Variants in ABCB9 observed in about 807,000 individuals in gnomAD.
ABCB9 encodes the protein ABC-type oligopeptide transporter ABCB9.
ABCB9 carries 36 observed loss-of-function variants against 62.0 expected under a neutral mutation model. That is an observed-to-expected ratio of 0.58 (90% CI 0.45 to 0.77). ABCB9 has a LOEUF of 0.77. Among genes scored for constraint, ABCB9 ranks in the 30% least tolerant of loss-of-function variants. The probability of loss-of-function intolerance (pLI) is 0.00; values close to 1 mark genes in which losing one functional copy is unlikely to be tolerated. For missense variants in ABCB9, 943 were observed against 1,054.7 expected, an observed-to-expected ratio of 0.89 and a Z score of 1.47; for synonymous variants, 435 against 461.4, an observed-to-expected ratio of 0.94 and a Z score of 0.73.
chr12:122,919,426 C>T (rs1445597133), downstream of ABCB9, among the ~76,000 whole-genome samples: 1 of 152,160 alleles, frequency 6.6e-6, no homozygotes, highest in African/African-American at 2.4e-5. Flanking sequence ...CCCGCCTCAG[C>T]CTCCCAAAGT....
chr12:122,969,483 C>T (rs1427431231), upstream of ABCB9, among the ~76,000 whole-genome samples: 1 of 152,174 alleles, frequency 6.6e-6, no homozygotes, highest in African/African-American at 2.4e-5. Flanking sequence ...GGCAATGTGG[C>T]TTATGCCTGT....
At chr12:122,939,954 G>T in intron 9 of ABCB9, 157 bp downstream of exon 9, 1 of 1,068,100 alleles carries the variant, frequency 9.4e-7, no homozygotes, top group Non-Finnish European at 1.3e-6. Context: ...GTCTGGACAA[G>T]AATGTTCTGT....
rs771431075 is a variant in ABCB9, at chr12:122,940,867, C to A, written c.1509G>T (p.Arg503=). Residue 503 remains arginine (R), a synonymous_variant, in exon 8 of 12, where the codon CGG becomes CGT. Coordinates refer to ENST00000280560, the MANE Select transcript of ABCB9 (RefSeq NM_019625.4). This position sits in a 1 kb window ranked among gnomAD's most constrained non-coding sequence, Gnocchi z 4.8. ...TGAAGGTCACATTCTCAAAGTCCAC[C>A]CGGCCCTCCAGGTGGTCGGGGGCCA... ...GSLAPDHLEG[R]VDFENVTFTY... The A allele has an allele frequency of 6.2e-7, 1 of 1,611,910 alleles. No individual in the cohort carries two copies. The highest frequency in any genetic ancestry group is 2.2e-5 in the East Asian group (1 of 44,830).
In ABCB9 at chr12:122,960,143, G is replaced by C. The variant is rs1194924333; in HGVS notation, c.93C>G (p.Asp31Glu). Residue 31 changes from aspartate to glutamate, a missense_variant, in exon 2 of 12, where the codon GAC becomes GAG. Transcript: ENST00000280560. ...TTAIYVFSHL[D>E]RSLLEDIRHF... The stretch of plus-strand genomic sequence containing the variant: ...GGCGGATGTCCTCCAGGAGGCTGCG[G>C]TCCAGGTGGCTGAAGACATAGATGG... 1.2e-6 allele frequency: 2 copies of C among 1,613,724 alleles called. No homozygotes were observed. Among genetic ancestry groups the C allele is most frequent in the South Asian group, 2.2e-5 (2 of 91,084 alleles).
Position 122,973,578 on chromosome 12 carries a change from G to GAAAAAAAA in ABCB9, c.-88+1129_-88+1136dup, listed in dbSNP as rs57853191. ...AGAGCGAGACTCCGTCTCAAAAAAA[G>GAAAAAAAA]AAAAAAAAAAAAAAAAAAAAAAAAA... On this transcript the variant is annotated intron_variant, in intron 1 of 11. Transcript: ENST00000392439. 3.0e-3 allele frequency among the ~76,000 whole-genome samples: 151 copies of GAAAAAAAA among 50,344 alleles called. 6 individuals carry two copies. Among genetic ancestry groups the GAAAAAAAA allele is most frequent in the Non-Finnish European group, 3.6e-3 (102 of 27,964 alleles). The allele number at this position is 50,344 out of a possible 152,430, so 33.0% of individuals were successfully genotyped here.
upstream of ABCB9, among the ~76,000 whole-genome samples, chr12:122,968,280 G>A (rs1268548532): frequency 1.3e-5 from 2 of 152,218 alleles, no homozygotes; most frequent in Non-Finnish European, 2.9e-5. Flanking sequence ...TGTCATTTAT[G>A]CTGTGTGACC....
At chr12:122,968,740 G>A (rs1485054020), upstream of ABCB9, among the ~76,000 whole-genome samples, 5 of 143,804 alleles carry the variant, frequency 3.5e-5, no homozygotes, top group Middle Eastern at 3.7e-3. Context: ...ACAGCCTCCC[G>A]AGTAGTTGGG....
downstream of ABCB9, among the ~76,000 whole-genome samples, chr12:122,924,083 C>T (rs2135734169): frequency 6.6e-6 from 1 of 152,310 alleles, no homozygotes; most frequent in African/African-American, 2.4e-5. Flanking sequence ...TCAGCAGCTG[C>T]CTCAGGCATT....
intron 5 of ABCB9, 132 bp downstream of exon 5, chr12:122,948,488 AAATG>A (rs552011349): frequency 1.4e-5 from 11 of 786,562 alleles, no homozygotes; most frequent in Non-Finnish European, 1.3e-5. Flanking sequence ...ATGAGCGAAG[AAATG>A]AATGAATGAA....
At chr12:122,928,834 T>C (rs544657008), downstream of ABCB9, among the ~76,000 whole-genome samples, 13 of 152,132 alleles carry the variant, frequency 8.5e-5, no homozygotes, top group Admixed American at 6.6e-4. Context: ...GACCCTGGGA[T>C]GGGAGGAGTG....
Position 122,932,395 on chromosome 12 carries a change from G to A in ABCB9, c.1904-67C>T, listed in dbSNP as rs1291095834. 5 of 1,501,792 alleles carry A rather than the reference G, an allele frequency of 3.3e-6. No homozygotes were observed. The East Asian group carries it at 7.4e-5, about 22-fold the overall frequency. The allele number at this position is 1,501,792 out of a possible 1,614,324, so 93.0% of individuals were successfully genotyped here. On this transcript the variant is annotated intron_variant, in intron 10 of 11. Coordinates refer to ENST00000280560, the MANE Select transcript of ABCB9 (RefSeq NM_019625.4). This position sits in a 1 kb window ranked among gnomAD's most constrained non-coding sequence, Gnocchi z 4.7. Reference sequence around the variant, plus strand: ...GCCGGGCAGCACCGGGGAAGAGTGAGAGGCCCTGCCCTGCAGCTGTGGAAA... The same window carrying A: ...GCCGGGCAGCACCGGGGAAGAGTGAAAGGCCCTGCCCTGCAGCTGTGGAAA...
downstream of ABCB9, among the ~76,000 whole-genome samples, chr12:122,919,296 A>G (rs528788745): frequency 1.4e-4 from 22 of 152,056 alleles, no homozygotes; most frequent in East Asian, 4.1e-3. Context: ...CCTCAGCCAC[A>G]CAAGTAGCTG....
At position 122,947,716 on chromosome 12, in the gene ABCB9, G is replaced by A. The variant is rs139807206; in HGVS notation, c.1053+908C>T. On this transcript the variant is annotated intron_variant, in intron 5 of 11. Coordinates refer to ENST00000280560, the MANE Select transcript of ABCB9 (RefSeq NM_019625.4). This position sits in a 1 kb window ranked among gnomAD's most constrained non-coding sequence, Gnocchi z 6.0. ...GGAAGCAGAAGCAGTGCCGTGGGGT[G>A]GCCAGAGGGGACAGCAGCCTGCCCA... 21 of 259,538 alleles carry A rather than the reference G, an allele frequency of 8.1e-5. No individual in the cohort carries two copies. The East Asian group carries it at 2.2e-3, about 27-fold the overall frequency. 16.1% of individuals were successfully genotyped at this position (259,538 alleles called of 1,614,324 possible).
Position 122,930,875 on chromosome 12 carries a change from A to C in ABCB9, c.2041-704T>G, listed in dbSNP as rs950541528. Among the ~76,000 whole-genome samples the C allele has an allele frequency of 6.6e-6, 1 of 152,132 alleles. No homozygotes were observed. Among genetic ancestry groups the C allele is most frequent in the East Asian group, 1.9e-4 (1 of 5,194 alleles). ...AATGAATCAATCCGCGCATAGACTG[A>C]GGTTGCTAGCCATCTGCAAATACAT... is the stretch of plus-strand genomic sequence containing the variant. On this transcript the variant is annotated intron_variant, in intron 11 of 11. Coordinates refer to ENST00000280560, the MANE Select transcript of ABCB9 (RefSeq NM_019625.4). The surrounding 1 kb of genome is among the most constrained non-coding windows in gnomAD (Gnocchi z 4.9).
intron 4 of ABCB9, 130 bp from the exon 5 acceptor site, chr12:122,948,959 GT>G: frequency 1.5e-6 from 1 of 674,948 alleles, no homozygotes; most frequent in Non-Finnish European, 2.3e-6. Context: ...GGGTTGGGGG[GT>G]GGGGGAGAAG....
rs900321436 is a variant in ABCB9, at chr12:122,932,023, G to A, written c.2040+169C>T. 26 of 1,219,020 alleles carry A rather than the reference G, an allele frequency of 2.1e-5. No individual in the cohort carries two copies. Among genetic ancestry groups the A allele is most frequent in the Admixed American group, 6.3e-5 (3 of 47,640 alleles). 75.5% of individuals were successfully genotyped at this position (1,219,020 alleles called of 1,614,324 possible). A position where few individuals can be genotyped will look rare whatever the true frequency, so the allele number is the denominator to read the frequency against. On this transcript the variant is annotated intron_variant, in intron 11 of 11. Coordinates refer to ENST00000280560, the MANE Select transcript of ABCB9 (RefSeq NM_019625.4). This position sits in a 1 kb window ranked among gnomAD's most constrained non-coding sequence, Gnocchi z 4.7. ...GAGCCTGGAGGCTGGGTCCAGAGTG[G>A]CTCCTGGCTCCCCACTCTCAACACC... is the stretch of plus-strand genomic sequence containing the variant.
At chr12:122,960,802 T>C (rs2036852997) in intron 1 of ABCB9, among the ~76,000 whole-genome samples, 1 of 151,230 alleles carries the variant, frequency 6.6e-6, no homozygotes, top group Non-Finnish European at 1.5e-5. Flanking sequence ...ATGTGTGTCT[T>C]GTGAGGCCAA....
Position 122,930,116 on chromosome 12 carries a change from T to A in ABCB9, c.2096A>T (p.His699Leu), listed in dbSNP as rs145038250. 1.9e-6 allele frequency: 3 copies of A among 1,555,036 alleles called. No homozygotes were observed. The highest frequency in any genetic ancestry group is 2.6e-6 in the Non-Finnish European group (3 of 1,149,290). The part of the protein sequence containing the change: ...LQKHTVLIIA[H>L]RLSTVEHAHL... ...CGCGTGCTCCACGGTGCTCAGCCGGTGCGCGATGATGAGTACCGTGTGCTT... is the reference window on the plus strand; with the variant it reads ...CGCGTGCTCCACGGTGCTCAGCCGGAGCGCGATGATGAGTACCGTGTGCTT... Residue 699 changes from histidine (H) to leucine (L), a missense_variant, in exon 12 of 12, where the codon CAC becomes CTC. Transcript: ENST00000280560. The surrounding 1 kb of genome is among the most constrained non-coding windows in gnomAD (Gnocchi z 4.9).
At chr12:122,956,829 A>G (rs964040224) in intron 2 of ABCB9, among the ~76,000 whole-genome samples, 4 of 149,928 alleles carry the variant, frequency 2.7e-5, no homozygotes, top group South Asian at 2.1e-4. Flanking sequence ...TAATATTTAT[A>G]TATCTTTTAG....
Sources: gnomAD v4.1 joint callset for allele counts (sites outside exome capture counted in the v4.1 genomes callset) on GRCh38, gnomAD v4.1.1 for gene constraint, Gnocchi (gnomAD v3.1) non-coding constraint, MANE v1.5 for transcripts, NCBI Gene and HGNC (gene_info 2026-07-23, HGNC 2026-07-21) for gene names.